SCG5: variants seen among roughly 807,000 people sequenced by gnomAD.
SCG5 encodes neuroendocrine protein 7B2.
SCG5 carries 18 observed loss-of-function variants against 25.7 expected under a neutral mutation model. The observed-to-expected ratio is 0.70, with a 90% CI of 0.48 to 1.04. The LOEUF is 1.04. Ranked by LOEUF, SCG5 falls within the 50% of genes least tolerant of loss-of-function variation. SCG5 has a pLI of 0.00. For missense variants in SCG5, 206 were observed against 259.8 expected (o/e 0.79, Z 1.42); for synonymous variants, 101 against 91.7 (o/e 1.10, Z -0.58).
chr15:32,663,519 TA>T (rs1308775788), intron 2 of SCG5, among the ~76,000 whole-genome samples: 1 of 152,158 alleles, frequency 6.6e-6, no homozygotes, highest in African/African-American at 2.4e-5. Flanking sequence ...CTTACTGTTT[TA>T]AAAGAAACAG....
chr15:32,668,931 T>C (rs1320780810), intron 2 of SCG5: 1 of 152,282 alleles, frequency 6.6e-6, no homozygotes, highest in African/African-American at 2.4e-5. Flanking sequence ...TTTACCTGGC[T>C]CTGGTTTGGC....
At chr15:32,680,389 G>A (rs546751768) in intron 3 of SCG5, among the ~76,000 whole-genome samples, 1 of 151,692 alleles carries the variant, frequency 6.6e-6, no homozygotes, top group Non-Finnish European at 1.5e-5. Context: ...TAGTAGAGAC[G>A]GGGATTCAGC....
chr15:32,643,473 C>T (rs1010216638), intron 1 of SCG5, 113 bp from the exon 2 acceptor site: 7 of 788,556 alleles, frequency 8.9e-6, no homozygotes, highest in Non-Finnish European at 1.1e-5. Context: ...TTTGTTACAA[C>T]CCCTTTCTGG....
chr15:32,651,967 A>C (rs1595791301), intron 2 of SCG5, among the ~76,000 whole-genome samples: 1 of 152,252 alleles, frequency 6.6e-6, no homozygotes, highest in Non-Finnish European at 1.5e-5. Flanking sequence ...GGATGGGGTC[A>C]CCCTGGGTGG....
intron 3 of SCG5, 29 bp from the exon 4 acceptor site, chr15:32,684,528 G>A (rs780445112): frequency 2.7e-5 from 38 of 1,386,352 alleles, no homozygotes; most frequent in Middle Eastern, 1.8e-4. Flanking sequence ...TGTCTTGGCC[G>A]TTCCTCAAAA....
At chr15:32,674,995 A>G (rs148071449) in intron 2 of SCG5, among the ~76,000 whole-genome samples, 105 of 152,366 alleles carry the variant, frequency 6.9e-4, no homozygotes, top group African/African-American at 2.5e-3. Context: ...TGCCATGGCA[A>G]TACAAAGAAA....
intron 3 of SCG5, among the ~76,000 whole-genome samples, chr15:32,683,394 GA>G (rs539096459): frequency 1.1e-3 from 161 of 152,154 alleles, no homozygotes; most frequent in African/African-American, 3.4e-3. Flanking sequence ...TTAGACATGG[GA>G]AAAATGACTC....
At chr15:32,655,577 G>A (rs2054104504) in intron 2 of SCG5, among the ~76,000 whole-genome samples, 1 of 152,124 alleles carries the variant, frequency 6.6e-6, no homozygotes, top group South Asian at 2.1e-4. Context: ...GTATGCTATG[G>A]TCTGAATGTT....
In SCG5 at chr15:32,654,358, G is replaced by T. The variant is rs369808755; in HGVS notation, c.226+10540G>T. On this transcript the variant is annotated intron_variant, in intron 2 of 5. Coordinates refer to ENST00000300175, the MANE Select transcript of SCG5 (RefSeq NM_001144757.3). ...AGAAGAGATGAGAGAGCTCTCTGGG[G>T]CTTCTTTTATTACCATCACATTGGG... 4.6e-5 allele frequency among the ~76,000 whole-genome samples: 7 copies of T among 152,168 alleles called. No individual in the cohort carries two copies. The South Asian group carries it at 1.2e-3, about 27-fold the overall frequency.
At chr15:32,659,589 G>C (rs2054182944) in intron 2 of SCG5, among the ~76,000 whole-genome samples, 2 of 152,316 alleles carry the variant, frequency 1.3e-5, no homozygotes, top group South Asian at 4.1e-4. Flanking sequence ...GTTTTTCTTT[G>C]CATGAGACAG....
chr15:32,683,646 A>G (rs2054654889), intron 3 of SCG5, among the ~76,000 whole-genome samples: 1 of 152,216 alleles, frequency 6.6e-6, no homozygotes, highest in African/African-American at 2.4e-5. Flanking sequence ...GTAGGTAAGT[A>G]TTTGATTATT....
At position 32,691,790 on chromosome 15, in the gene SCG5, C is replaced by G. The variant is rs375611590; in HGVS notation, c.543+27C>G. On this transcript the variant is annotated intron_variant, in intron 5 of 5. Transcript: ENST00000300175. The stretch of plus-strand genomic sequence containing the variant: ...TAACACGTGCCTGGCTGGATTGTTG[C>G]GGGGATGCTTGGAGCTTTCTGAGTG... 1.9e-6 allele frequency: 3 copies of G among 1,609,570 alleles called. No individual in the cohort carries two copies. The African/African-American group carries it at 4.0e-5, about 22-fold the overall frequency.
chr15:32,651,138 G>T (rs1330485986), intron 2 of SCG5, among the ~76,000 whole-genome samples: 1 of 152,176 alleles, frequency 6.6e-6, no homozygotes, highest in East Asian at 1.9e-4. Context: ...GGCAGAGATT[G>T]CAGTGAGCCA....
chr15:32,680,020 C>A, intron 3 of SCG5, 105 bp downstream of exon 3: 4 of 1,071,516 alleles, frequency 3.7e-6, no homozygotes, highest in Non-Finnish European at 4.1e-6. Context: ...TATTTCCATT[C>A]TGATGAGCCC....
rs1021027301 is a variant in SCG5, at chr15:32,693,399, T to C, written c.543+1636T>C. On this transcript the variant is annotated intron_variant, in intron 5 of 5. Transcript: ENST00000300175. ...AGAATTTAGGAAAAGAAGGGTCACT[T>C]TGACCCAGAGATATCAAGTTCTTCC... Among the ~76,000 whole-genome samples the C allele has an allele frequency of 3.3e-5, 5 of 152,198 alleles. No homozygotes were observed. The East Asian group carries it at 9.6e-4, about 29-fold the overall frequency.
At chr15:32,686,592 A>G (rs1327446661) in intron 4 of SCG5, among the ~76,000 whole-genome samples, 1 of 152,184 alleles carries the variant, frequency 6.6e-6, no homozygotes, top group Non-Finnish European at 1.5e-5. Flanking sequence ...AAGGACATAA[A>G]AAAGAGAAGA....
chr15:32,661,694 T>C (rs1047076243), intron 2 of SCG5, among the ~76,000 whole-genome samples: 1 of 152,204 alleles, frequency 6.6e-6, no homozygotes, highest in Non-Finnish European at 1.5e-5. Flanking sequence ...TCAGACCCGC[T>C]GTGGAGACCC....
At chr15:32,696,268 C>A (rs564160809) in intron 5 of SCG5, among the ~76,000 whole-genome samples, 2 of 152,288 alleles carry the variant, frequency 1.3e-5, no homozygotes, top group East Asian at 1.9e-4. Flanking sequence ...CAGGCACCCA[C>A]CACCACGCCC....
intron 2 of SCG5, among the ~76,000 whole-genome samples, chr15:32,656,651 C>T (rs1202498106): frequency 6.6e-6 from 1 of 152,176 alleles, no homozygotes; most frequent in Non-Finnish European, 1.5e-5. Context: ...TGCTGGGAGT[C>T]GTGGTAAACC....
Sources: gnomAD v4.1 joint callset for allele counts (sites outside exome capture counted in the v4.1 genomes callset) on GRCh38, gnomAD v4.1.1 for gene constraint, MANE v1.5 for transcripts, NCBI Gene and HGNC (gene_info 2026-07-23, HGNC 2026-07-21) for gene names.